EHD4: variants seen among roughly 807,000 people sequenced by gnomAD.
EHD4 encodes EH domain-containing protein 4.
A neutral mutation model predicts 51.0 loss-of-function variants in EHD4; 37 were observed. That is an observed-to-expected ratio of 0.73 (90% CI 0.56 to 0.95). The LOEUF (loss-of-function observed/expected upper bound fraction) is 0.95. EHD4 is among the 40% of genes least tolerant of loss of function. EHD4 has a pLI of 0.00. For synonymous variants in EHD4, 297 were observed against 317.3 expected (o/e 0.94, Z 0.68); for missense variants, 632 against 733.1 (o/e 0.86, Z 1.59).
At chr15:41,922,405 A>C (rs2090937655) in intron 3 of EHD4, among the ~76,000 whole-genome samples, 1 of 152,140 alleles carries the variant, frequency 6.6e-6, no homozygotes, top group South Asian at 2.1e-4. Context: ...ACAAAACAAA[A>C]CAAACAAAAC....
At position 41,900,668 on chromosome 15, in the gene EHD4, T is replaced by C; in HGVS notation, c.1603A>G (p.Lys535Glu). 1 of 1,599,040 alleles carries C rather than the reference T, an allele frequency of 6.3e-7. No individual in the cohort carries two copies. The highest frequency in any genetic ancestry group is 8.5e-7 in the Non-Finnish European group (1 of 1,177,238). ...PPHLVPPSHR[K>E]SLPKAD ...CCTCAGTCGGCCTTGGGCAGGGACT[T>C]CCTGTGCGAGGGGGGCACGAGGTGG... Residue 535 changes from lysine to glutamate, a missense_variant, in exon 6 of 6, where the codon AAG becomes GAG. Lys to Glu is a moderately conservative substitution (Grantham distance 56). Coordinates refer to ENST00000220325, the MANE Select transcript of EHD4 (RefSeq NM_139265.4). The surrounding 1 kb of genome is among the most constrained non-coding windows in gnomAD (Gnocchi z 4.8).
intron 5 of EHD4, among the ~76,000 whole-genome samples, chr15:41,904,152 G>A (rs1024351599): frequency 1.3e-5 from 2 of 152,214 alleles, no homozygotes; most frequent in Admixed American, 1.3e-4. Context: ...AGCGCACACA[G>A]AGCCCCTGTG....
chr15:41,963,364 C>T (rs1302193187), intron 1 of EHD4, among the ~76,000 whole-genome samples: 1 of 150,810 alleles, frequency 6.6e-6, no homozygotes, highest in Non-Finnish European at 1.5e-5. Flanking sequence ...TTTGGGAGGC[C>T]GAGACAGGCA....
intron 1 of EHD4, among the ~76,000 whole-genome samples, chr15:41,971,445 T>G (rs1425525031): frequency 1.3e-5 from 2 of 152,258 alleles, no homozygotes; most frequent in African/African-American, 4.8e-5. Flanking sequence ...GCAATCTGTT[T>G]CTGTCTAAAT....
chr15:41,914,542 G>A (rs961989366), intron 4 of EHD4, among the ~76,000 whole-genome samples: 1 of 152,094 alleles, frequency 6.6e-6, no homozygotes, highest in Non-Finnish European at 1.5e-5. Flanking sequence ...CCTTAAAGGG[G>A]ACCGGAGGGG....
chr15:41,962,341 G>C (rs887630254), intron 1 of EHD4, among the ~76,000 whole-genome samples: 1 of 152,088 alleles, frequency 6.6e-6, no homozygotes, highest in African/African-American at 2.4e-5. Context: ...GAAGAGTCTT[G>C]AGCTAAAATT....
intron 3 of EHD4, among the ~76,000 whole-genome samples, chr15:41,937,837 A>G (rs1011674482): frequency 1.1e-4 from 16 of 152,214 alleles, no homozygotes; most frequent in Middle Eastern, 3.4e-3. Flanking sequence ...CCCATTTCCT[A>G]GCTCTGTCGA....
intron 1 of EHD4, among the ~76,000 whole-genome samples, chr15:41,957,791 G>C (rs1053674974): frequency 2.6e-5 from 4 of 152,214 alleles, no homozygotes; most frequent in African/African-American, 9.7e-5. Flanking sequence ...GGGGACTGCA[G>C]AAACTCAGAT....
chr15:41,964,830 G>A (rs1443268645), intron 1 of EHD4, among the ~76,000 whole-genome samples: 1 of 151,494 alleles, frequency 6.6e-6, no homozygotes, highest in Non-Finnish European at 1.5e-5. Context: ...GGAGTTCAGT[G>A]GTGCAATCTC....
intron 3 of EHD4, among the ~76,000 whole-genome samples, chr15:41,922,759 A>C (rs2140990109): frequency 6.6e-6 from 1 of 152,254 alleles, no homozygotes. Flanking sequence ...GCCAGATTTA[A>C]GTTTACTATA....
chr15:41,911,140 C>T (rs1038882925), intron 4 of EHD4, among the ~76,000 whole-genome samples: 2 of 152,274 alleles, frequency 1.3e-5, no homozygotes, highest in South Asian at 2.1e-4. Context: ...TGGATGCTAA[C>T]CTAAGTACCT....
At chr15:41,943,210 G>T in intron 2 of EHD4, 46 bp from the exon 3 acceptor site, 1 of 1,485,338 alleles carries the variant, frequency 6.7e-7, no homozygotes. Context: ...GGGCATCACA[G>T]AGTGCTCCAA....
intron 1 of EHD4, among the ~76,000 whole-genome samples, chr15:41,961,200 T>G (rs2067922178): frequency 6.6e-6 from 1 of 152,224 alleles, no homozygotes; most frequent in Non-Finnish European, 1.5e-5. Flanking sequence ...TTTATACTCC[T>G]CAGGGCTGAG....
chr15:41,972,508 C>T lies in EHD4; in HGVS notation c.-14G>A. 2.7e-6 allele frequency: 4 copies of T among 1,496,822 alleles called. No homozygotes were observed. The highest frequency in any genetic ancestry group is 1.3e-5 in the South Asian group (1 of 76,312). 92.7% of individuals were successfully genotyped at this position (1,496,822 alleles called of 1,614,324 possible). A position where few individuals can be genotyped will look rare whatever the true frequency, so the allele number is the denominator to read the frequency against. On this transcript the variant is annotated 5_prime_UTR_variant, in exon 1 of 6. Coordinates refer to ENST00000220325, the MANE Select transcript of EHD4 (RefSeq NM_139265.4). ...CCAGCTGAACATCCTGCCGCCAGTC[C>T]ACGCTCGGATGGGACCCTGCTCCGG...
In EHD4 at chr15:41,897,145, A is replaced by G. The variant is rs970134855; in HGVS notation, c.*3500T>C. The stretch of plus-strand genomic sequence containing the variant: ...ATTGGTTAACCAACATTGGAACCCA[A>G]TACTCTTGTATTAGGCCCGCATTTA... On this transcript the variant is annotated 3_prime_UTR_variant, in exon 6 of 6. Coordinates refer to ENST00000220325, the MANE Select transcript of EHD4 (RefSeq NM_139265.4). 1.3e-5 allele frequency: 2 copies of G among 152,248 alleles called. No homozygotes were observed. The highest frequency in any genetic ancestry group is 4.8e-5 in the African/African-American group (2 of 41,464). The allele number at this position is 152,248 out of a possible 1,614,324, so 9.4% of individuals were successfully genotyped here. A position where few individuals can be genotyped will look rare whatever the true frequency, so the allele number is the denominator to read the frequency against.
chr15:41,964,853 C>A (rs534384915), intron 1 of EHD4, among the ~76,000 whole-genome samples: 1 of 151,734 alleles, frequency 6.6e-6, no homozygotes, highest in Non-Finnish European at 1.5e-5. Flanking sequence ...CTTACTGCAG[C>A]CTCGACCACC....
intron 5 of EHD4, among the ~76,000 whole-genome samples, chr15:41,902,689 G>A (rs1032543276): frequency 2.0e-5 from 3 of 151,754 alleles, no homozygotes; most frequent in Non-Finnish European, 2.9e-5. Context: ...TGGGAAGACT[G>A]CTTGAGCCCA....
At chr15:41,942,804 C>G (rs1006015395) in intron 3 of EHD4, 1 of 232,738 alleles carries the variant, frequency 4.3e-6, no homozygotes, top group Admixed American at 6.3e-5. Context: ...CCTCACACCT[C>G]GATACCTCCC....
intron 5 of EHD4, among the ~76,000 whole-genome samples, chr15:41,902,145 C>A (rs118069303): frequency 1.3e-5 from 2 of 152,168 alleles, no homozygotes; most frequent in East Asian, 3.9e-4. Flanking sequence ...AACACTGTGA[C>A]TGCCCAACCA....
Sources: gnomAD v4.1 joint callset for allele counts (sites outside exome capture counted in the v4.1 genomes callset) on GRCh38, gnomAD v4.1.1 for gene constraint, Gnocchi (gnomAD v3.1) non-coding constraint, MANE v1.5 for transcripts, NCBI Gene and HGNC (gene_info 2026-07-23, HGNC 2026-07-21) for gene names.